Variants in SAV1 observed in about 807,000 individuals in gnomAD.
SAV1 encodes salvador family WW domain containing protein 1.
A neutral mutation model predicts 47.3 loss-of-function variants in SAV1; 23 were observed. The observed-to-expected ratio is 0.49, with a 90% CI of 0.35 to 0.69. The LOEUF (loss-of-function observed/expected upper bound fraction) is 0.69. Among genes scored for constraint, SAV1 ranks in the 30% least tolerant of loss-of-function variants. The pLI is 0.01. For missense variants in SAV1, 448 were observed against 457.4 expected, an observed-to-expected ratio of 0.98 and a Z score of 0.19; for synonymous variants, 155 against 159.2, an observed-to-expected ratio of 0.97 and a Z score of 0.20.
intron 2 of SAV1, among the ~76,000 whole-genome samples, chr14:50,650,145 C>T (rs2356457): frequency 0.48 from 72,574 of 152,024 alleles, 18,286 homozygotes; most frequent in East Asian, 0.71. Context: ...TGGATAAATA[C>T]GGGTTATTGG....
intron 2 of SAV1, among the ~76,000 whole-genome samples, chr14:50,660,191 A>G (rs538873090): frequency 2.0e-5 from 3 of 152,234 alleles, no homozygotes; most frequent in South Asian, 2.1e-4. Context: ...TGACTCCCCA[A>G]TTTCCCAGCA....
intron 1 of SAV1, 85 bp from the exon 2 acceptor site, chr14:50,665,704 C>T (rs1267904106): frequency 8.5e-7 from 1 of 1,172,758 alleles, no homozygotes; most frequent in African/African-American, 1.6e-5. Flanking sequence ...TCTACCACCC[C>T]AAAATCAAAA....
At chr14:50,636,900 T>C (rs967767123) in intron 4 of SAV1, among the ~76,000 whole-genome samples, 1 of 152,234 alleles carries the variant, frequency 6.6e-6, no homozygotes, top group African/African-American at 2.4e-5. Flanking sequence ...AAGCTTTGAT[T>C]GCAAACTCTA....
At chr14:50,638,259 G>T (rs892602893) in intron 4 of SAV1, among the ~76,000 whole-genome samples, 6 of 152,042 alleles carry the variant, frequency 3.9e-5, no homozygotes, top group Non-Finnish European at 7.4e-5. Flanking sequence ...AACTAGCCAA[G>T]AAATTTGCTT....
At chr14:50,636,645 C>A (rs1027834739) in intron 4 of SAV1, among the ~76,000 whole-genome samples, 1 of 152,120 alleles carries the variant, frequency 6.6e-6, no homozygotes, top group Non-Finnish European at 1.5e-5. Flanking sequence ...GAAGACAGCA[C>A]TGTAATTAAT....
intron 2 of SAV1, among the ~76,000 whole-genome samples, chr14:50,661,065 G>C (rs753000870): frequency 6.6e-6 from 1 of 152,070 alleles, no homozygotes; most frequent in Admixed American, 6.5e-5. Context: ...CCTAATTATT[G>C]TAACATTCCC....
At chr14:50,651,032 A>AAAAG (rs1221210170) in intron 2 of SAV1, among the ~76,000 whole-genome samples, 3 of 139,650 alleles carry the variant, frequency 2.1e-5, no homozygotes, top group African/African-American at 8.2e-5. Flanking sequence ...CAAAAAAAAA[A>AAAAG]AAAGAAAGAA....
At chr14:50,652,165 T>C (rs762127229) in intron 2 of SAV1, among the ~76,000 whole-genome samples, 3 of 152,326 alleles carry the variant, frequency 2.0e-5, no homozygotes, top group South Asian at 2.1e-4. Context: ...TCAATGTGAA[T>C]GTACTTACTG....
intron 1 of SAV1, among the ~76,000 whole-genome samples, chr14:50,666,266 G>C (rs933221664): frequency 1.3e-4 from 20 of 152,214 alleles, no homozygotes; most frequent in African/African-American, 4.3e-4. Flanking sequence ...TGTAGAAGTG[G>C]CTCAAAAAAC....
intron 2 of SAV1, among the ~76,000 whole-genome samples, chr14:50,647,967 C>A (rs2140253725): frequency 6.6e-6 from 1 of 152,308 alleles, no homozygotes; most frequent in South Asian, 2.1e-4. Flanking sequence ...AATGAGAAGT[C>A]ATCTTCACAC....
In SAV1 at chr14:50,665,525, A is replaced by G. The variant is rs1425218294; in HGVS notation, c.189T>C (p.Ser63=). ...PDSSPNAFST[S]GDVVSRNQSF... ...TCTGGTTTCTTGAAACTACATCTCCAGAAGTTGAAAAGGCATTAGGGCTTG... is the reference window on the plus strand; with the variant it reads ...TCTGGTTTCTTGAAACTACATCTCCGGAAGTTGAAAAGGCATTAGGGCTTG... The change falls in exon 2 of 5, where the codon TCT becomes TCC. Residue 63 remains serine, a synonymous_variant. Coordinates refer to ENST00000324679, the MANE Select transcript of SAV1 (RefSeq NM_021818.4). 2.5e-6 allele frequency: 4 copies of G among 1,613,982 alleles called. No homozygotes were observed. Among genetic ancestry groups the G allele is most frequent in the Non-Finnish European group, 3.4e-6 (4 of 1,179,954 alleles).
rs2039623030 is a variant in SAV1 at position 50,635,092 on chromosome 14, A to G, written c.*91T>C. 3.0e-5 allele frequency: 25 copies of G among 820,314 alleles called. No homozygotes were observed. Among genetic ancestry groups the G allele is most frequent in the Non-Finnish European group, 4.9e-5 (25 of 509,896 alleles). 50.8% of individuals were successfully genotyped at this position (820,314 alleles called of 1,614,324 possible). A position where few individuals can be genotyped will look rare whatever the true frequency, so the allele number is the denominator to read the frequency against. On this transcript the variant is annotated 3_prime_UTR_variant, in exon 5 of 5. Transcript: ENST00000324679. The stretch of plus-strand genomic sequence containing the variant: ...ATTTTATAATTTCCACAAAGGAAGC[A>G]GCATTTATTAACCAGAGTACTTGTT...
intron 1 of SAV1, among the ~76,000 whole-genome samples, chr14:50,666,298 A>G (rs193044922): frequency 6.6e-6 from 1 of 152,372 alleles, no homozygotes; most frequent in East Asian, 1.9e-4. Flanking sequence ...CTATGTAATT[A>G]TAATTCAAAA....
At chr14:50,667,602 C>A in intron 1 of SAV1, 1 of 503,370 alleles carries the variant, frequency 2.0e-6, no homozygotes, top group Non-Finnish European at 3.6e-6. Context: ...GTAATCAAAA[C>A]CAACAACTCT....
At chr14:50,646,579 G>A (rs759537108) in intron 2 of SAV1, among the ~76,000 whole-genome samples, 21 of 151,882 alleles carry the variant, frequency 1.4e-4, no homozygotes, top group South Asian at 2.1e-4. Context: ...CCAGCTACTC[G>A]GGAGGCTGAG....
chr14:50,660,852 G>A (rs1328915292), intron 2 of SAV1, among the ~76,000 whole-genome samples: 1 of 152,148 alleles, frequency 6.6e-6, no homozygotes, highest in Admixed American at 6.5e-5. Flanking sequence ...CTCTTTCTGT[G>A]CCTGATTTCC....
At chr14:50,637,568 G>A (rs531532614) in intron 4 of SAV1, 1 of 151,254 alleles carries the variant, frequency 6.6e-6, no homozygotes, top group South Asian at 2.1e-4. Flanking sequence ...AAATAAGATG[G>A]TAAATATTAT....
intron 2 of SAV1, chr14:50,662,705 T>C (rs548205965): frequency 8.5e-5 from 13 of 152,246 alleles, no homozygotes; most frequent in Admixed American, 4.6e-4. Flanking sequence ...TAATTCCTCA[T>C]ATTTACATAC....
chr14:50,665,509 T>C lies in SAV1; in HGVS notation c.205A>G (p.Arg69Gly), dbSNP rs1234421221. 6.2e-7 allele frequency: 1 copy of C among 1,614,100 alleles called. No individual in the cohort carries two copies. The highest frequency in any genetic ancestry group is 8.5e-7 in the Non-Finnish European group (1 of 1,179,958). ...AFSTSGDVVS[R>G]NQSFLRTPIQ... ...GGAGTTCTAAGGAAACTCTGGTTTC[T>C]TGAAACTACATCTCCAGAAGTTGAA... The change falls in exon 2 of 5, where the codon AGA becomes GGA. Residue 69 changes from arginine to glycine, a missense_variant. Coordinates refer to ENST00000324679, the MANE Select transcript of SAV1 (RefSeq NM_021818.4).
Sources: gnomAD v4.1 joint callset for allele counts (sites outside exome capture counted in the v4.1 genomes callset) on GRCh38, gnomAD v4.1.1 for gene constraint, MANE v1.5 for transcripts, NCBI Gene and HGNC (gene_info 2026-07-23, HGNC 2026-07-21) for gene names.